The following FMNL2 variants were observed in gnomAD, a reference collection of about 807,000 sequenced individuals.
FMNL2 encodes formin-like protein 2.
A neutral mutation model predicts 130.2 loss-of-function variants in FMNL2; 51 were observed. The observed-to-expected ratio is 0.39, with a 90% confidence interval of 0.31 to 0.49. The LOEUF (loss-of-function observed/expected upper bound fraction) is 0.49, where lower values mean the gene tolerates loss of function less well. Ranked by LOEUF, FMNL2 falls within the 20% of genes least tolerant of loss-of-function variation. The probability of loss-of-function intolerance (pLI) is 0.85; values close to 1 mark genes in which losing one functional copy is unlikely to be tolerated. For synonymous variants in FMNL2, 465 were observed against 467.1 expected (o/e 1.00, Z 0.06); for missense variants, 977 against 1,316.2 (o/e 0.74, Z 3.99).
At chr2:152,568,218 G>GTTTTTTTTTTTTTTTT (rs1177965681) in intron 6 of FMNL2, among the ~76,000 whole-genome samples, 419 of 34,758 alleles carry the variant, frequency 0.012, 18 homozygotes, top group African/African-American at 0.031. Context: ...ATTTTGGTGG[G>GTTTTTTTTTTTTTTTT]TTTTTTTTTT....
chr2:152,568,721 C>G (rs1025647504), intron 6 of FMNL2, among the ~76,000 whole-genome samples: 1 of 152,100 alleles, frequency 6.6e-6, no homozygotes, highest in Non-Finnish European at 1.5e-5. Flanking sequence ...GGGAGAAATG[C>G]CTCTTATGAA....
Position 152,619,052 on chromosome 2 carries a change from A to T in FMNL2, c.1521A>T (p.Glu507Asp). ...VASGTLSMGSEVVAGNSVGPT... is the reference protein window; with the variant it reads ...VASGTLSMGSDVVAGNSVGPT... ...CTGGCACATTGTCCATGGGGTCAGA[A>T]GTGGTAGCAGGTAACTCTGTGGGAC... Residue 507 changes from glutamate (E) to aspartate (D), a missense_variant, in exon 14 of 26, where the codon GAA becomes GAT. Around this residue, in one of 4 missense-constraint regions of FMNL2, gnomAD observed 689 missense variants for 995.9 expected, o/e 0.69. Coordinates refer to ENST00000288670, the MANE Select transcript of FMNL2 (RefSeq NM_052905.4). 6.2e-7 allele frequency: 1 copy of T among 1,614,038 alleles called. No individual in the cohort carries two copies. Among genetic ancestry groups the T allele is most frequent in the Non-Finnish European group, 8.5e-7 (1 of 1,179,866 alleles).
At chr2:152,626,951 G>A (rs1681833941) in intron 17 of FMNL2, among the ~76,000 whole-genome samples, 1 of 152,236 alleles carries the variant, frequency 6.6e-6, no homozygotes, top group South Asian at 2.1e-4. Context: ...ACCCTGGGGA[G>A]TGTTGTATTA....
Position 152,629,667 on chromosome 2 carries a change from G to T in FMNL2, c.2412G>T (p.Ala804=). 1 of 1,598,606 alleles carries T rather than the reference G, an allele frequency of 6.3e-7. No homozygotes were observed. Among genetic ancestry groups the T allele is most frequent in the Non-Finnish European group, 8.5e-7 (1 of 1,171,852 alleles). The part of the protein sequence containing the change: ...SIQMLTPQLH[A]IIAASVSIKS... ...TGATTGGAATCTAGCAACTACATGC[G>T]ATTATAGCAGCATCTGTCTCTATAA... The change falls in exon 19 of 26, where the codon GCG becomes GCT. Residue 804 remains alanine (A), a synonymous_variant. Coordinates refer to ENST00000288670, the MANE Select transcript of FMNL2 (RefSeq NM_052905.4).
chr2:152,628,202 TGG>T (rs1404933421), intron 17 of FMNL2, 95 bp from the exon 18 acceptor site: 1 of 1,013,158 alleles, frequency 9.9e-7, no homozygotes. Context: ...CTGTACCAGA[TGG>T]ATGATGGATG....
rs376531593 is a variant in FMNL2 at position 152,459,469 on chromosome 2, C to T, written c.118-62474C>T. On this transcript the variant is annotated intron_variant, in intron 1 of 25. Transcript: ENST00000288670. ...ATACAAAATTGATTTTGCCTTTTTA[C>T]GTTATTTTGGGATCTTATAGCATAA... Among the ~76,000 whole-genome samples, 331 of 152,248 alleles carry T rather than the reference C, an allele frequency of 2.2e-3. 2 individuals carry two copies. The highest frequency in any genetic ancestry group is 0.014 in the Middle Eastern group (4 of 294).
chr2:152,489,174 G>T, intron 1 of FMNL2, among the ~76,000 whole-genome samples: 1 of 150,972 alleles, frequency 6.6e-6, no homozygotes, highest in African/African-American at 2.5e-5. Flanking sequence ...AACAAAAGAA[G>T]TGTTCCCTAC....
At chr2:152,387,194 T>C (rs1684833571) in intron 1 of FMNL2, among the ~76,000 whole-genome samples, 1 of 152,162 alleles carries the variant, frequency 6.6e-6, no homozygotes, top group East Asian at 1.9e-4. Flanking sequence ...TTATCTATAG[T>C]GTGCTGTTGC....
chr2:152,429,961 T>G (rs1687412002), intron 1 of FMNL2, among the ~76,000 whole-genome samples: 1 of 152,204 alleles, frequency 6.6e-6, no homozygotes, highest in Non-Finnish European at 1.5e-5. Flanking sequence ...GCATAGGTGA[T>G]GGGTTGATAG....
At chr2:152,458,220 C>G (rs1689058505) in intron 1 of FMNL2, among the ~76,000 whole-genome samples, 2 of 152,130 alleles carry the variant, frequency 1.3e-5, no homozygotes. Context: ...ATTAGTTTTC[C>G]TTCAGATTTC....
intron 1 of FMNL2, among the ~76,000 whole-genome samples, chr2:152,459,573 T>C (rs1291629681): frequency 6.6e-6 from 1 of 152,220 alleles, no homozygotes; most frequent in African/African-American, 2.4e-5. Context: ...ACTTTTCCTA[T>C]CAACTTTATA....
chr2:152,437,567 TGCTGCTTTTTTTTGGAAAC>T (rs1687832173), intron 1 of FMNL2, among the ~76,000 whole-genome samples: 1 of 152,212 alleles, frequency 6.6e-6, no homozygotes, highest in Non-Finnish European at 1.5e-5. Context: ...ATTGATTTAG[TGCTGCTTTTTTTTGGAAAC>T]AAGCCTTGAT....
At chr2:152,447,794 CT>C (rs1367904100) in intron 1 of FMNL2, among the ~76,000 whole-genome samples, 1 of 152,124 alleles carries the variant, frequency 6.6e-6, no homozygotes, top group Non-Finnish European at 1.5e-5. Flanking sequence ...TTTTCTTTGA[CT>C]GTCGTTTGGA....
intron 9 of FMNL2, among the ~76,000 whole-genome samples, chr2:152,593,874 T>G (rs1173290436): frequency 1.1e-5 from 1 of 94,178 alleles, no homozygotes; most frequent in African/African-American, 4.5e-5. Context: ...TGTGTGTGTG[T>G]GTGTGTGTGT....
At chr2:152,388,222 T>A (rs1684894237) in intron 1 of FMNL2, among the ~76,000 whole-genome samples, 1 of 152,150 alleles carries the variant, frequency 6.6e-6, no homozygotes, top group Non-Finnish European at 1.5e-5. Context: ...AGAAAAGCAA[T>A]CAAAGAAGTG....
chr2:152,531,574 A>T (rs1693699871), intron 2 of FMNL2, among the ~76,000 whole-genome samples: 1 of 151,824 alleles, frequency 6.6e-6, no homozygotes, highest in Admixed American at 6.6e-5. Context: ...TCCCAGGTTC[A>T]AGTGATTCTC....
chr2:152,371,040 C>G (rs759331777), intron 1 of FMNL2, among the ~76,000 whole-genome samples: 1 of 152,152 alleles, frequency 6.6e-6, no homozygotes, highest in Non-Finnish European at 1.5e-5. Context: ...TGATATAAAG[C>G]CTAAGTGCCA....
intron 6 of FMNL2, among the ~76,000 whole-genome samples, chr2:152,571,313 A>G (rs1287789535): frequency 6.6e-6 from 1 of 152,182 alleles, no homozygotes; most frequent in Non-Finnish European, 1.5e-5. Context: ...AGCTGTTGAC[A>G]GAGTCTGGGA....
chr2:152,626,746 T>C lies in FMNL2; in HGVS notation c.2165+19T>C, dbSNP rs1313127015. 1 of 1,577,196 alleles carries C rather than the reference T, an allele frequency of 6.3e-7. No homozygotes were observed. The highest frequency in any genetic ancestry group is 8.6e-7 in the Non-Finnish European group (1 of 1,160,264). ...TTCATGTGTAAGTTCAGGAAAATTA[T>C]ATTCTAGTTAGTTTATGATAAAATG... On this transcript the variant is annotated intron_variant, in intron 17 of 25. Coordinates refer to ENST00000288670, the MANE Select transcript of FMNL2 (RefSeq NM_052905.4).
Sources: gnomAD v4.1 joint callset for allele counts (sites outside exome capture counted in the v4.1 genomes callset) on GRCh38, gnomAD v4.1.1 for gene constraint, gnomAD v4.1.1 regional missense constraint, MANE v1.5 for transcripts, NCBI Gene and HGNC (gene_info 2026-07-23, HGNC 2026-07-21) for gene names.